The following RBFOX1 variants were observed in gnomAD, a reference collection of about 807,000 sequenced individuals.
RBFOX1 encodes RNA binding fox-1 homolog 1.
A neutral mutation model predicts 57.7 loss-of-function variants in RBFOX1; 8 were observed. The ratio of observed to expected loss-of-function variants is 0.14; its 90% CI spans 0.08 to 0.25. The LOEUF (loss-of-function observed/expected upper bound fraction) is 0.25. Ranked by LOEUF, RBFOX1 falls within the 10% of genes least tolerant of loss-of-function variation. The probability of loss-of-function intolerance (pLI) is 1.00; values close to 1 mark genes in which losing one functional copy is unlikely to be tolerated. For synonymous variants in RBFOX1, 326 were observed against 222.4 expected (o/e 1.47, Z -4.15); for missense variants, 611 against 548.5 (o/e 1.11, Z -1.14).
At chr16:6,138,778 A>C (rs929246254) in intron 1 of RBFOX1, among the ~76,000 whole-genome samples, 1 of 152,156 alleles carries the variant, frequency 6.6e-6, no homozygotes, top group Non-Finnish European at 1.5e-5. Context: ...GAGGCAGGAG[A>C]ATCGCTGGAA....
At chr16:6,500,611 C>G (rs1004407139) in intron 2 of RBFOX1, among the ~76,000 whole-genome samples, 8 of 152,018 alleles carry the variant, frequency 5.3e-5, no homozygotes, top group African/African-American at 1.7e-4. Context: ...GGAAAAGAGC[C>G]AAGGTGAAGA....
At chr16:6,021,491 G>T (rs902365747) in intron 1 of RBFOX1, among the ~76,000 whole-genome samples, 1 of 152,200 alleles carries the variant, frequency 6.6e-6, no homozygotes, top group Admixed American at 6.5e-5. Flanking sequence ...CCTGTGAAGG[G>T]TAAAGGTGGT....
chr16:5,486,333 C>G (rs899579784), intron 2 of RBFOX1, among the ~76,000 whole-genome samples: 6 of 152,198 alleles, frequency 3.9e-5, no homozygotes, highest in Admixed American at 3.3e-4. Flanking sequence ...GCTTCCTGTT[C>G]TCCATCTGAA....
chr16:7,488,183 C>A (rs1375899115), intron 4 of RBFOX1, among the ~76,000 whole-genome samples: 2 of 152,166 alleles, frequency 1.3e-5, no homozygotes, highest in African/African-American at 4.8e-5. Context: ...CTCACATCTT[C>A]ATCTGCAGCG....
intron 3 of RBFOX1, among the ~76,000 whole-genome samples, chr16:6,659,679 T>C (rs1242743291): frequency 6.6e-6 from 1 of 152,088 alleles, no homozygotes; most frequent in Non-Finnish European, 1.5e-5. Context: ...CGGTTTTCAA[T>C]ATGGGGCAGG....
intron 4 of RBFOX1, among the ~76,000 whole-genome samples, chr16:6,011,149 A>G (rs1181347562): frequency 6.6e-6 from 1 of 152,256 alleles, no homozygotes; most frequent in East Asian, 1.9e-4. Flanking sequence ...TGCTGCTAAT[A>G]GAGGGAACAT....
At chr16:6,831,404 A>G (rs912047193) in intron 3 of RBFOX1, among the ~76,000 whole-genome samples, 2 of 152,204 alleles carry the variant, frequency 1.3e-5, no homozygotes, top group Admixed American at 6.6e-5. Flanking sequence ...TACCTATGCA[A>G]AAAACAGGAA....
chr16:6,806,836 A>ATATATATATATATT (rs754342591), intron 3 of RBFOX1, among the ~76,000 whole-genome samples: 1,065 of 91,674 alleles, frequency 0.012, 14 homozygotes, highest in African/African-American at 0.02. Flanking sequence ...ATATATATAT[A>ATATATATATATATT]TTTTTTTTTT....
chr16:6,255,711 G>T (rs143359281), intron 1 of RBFOX1, among the ~76,000 whole-genome samples: 1 of 151,942 alleles, frequency 6.6e-6, no homozygotes, highest in Non-Finnish European at 1.5e-5. Flanking sequence ...CTATGCAGCC[G>T]TAAAAAAAGA....
At chr16:6,034,426 A>T (rs562636122) in intron 1 of RBFOX1, among the ~76,000 whole-genome samples, 1 of 151,490 alleles carries the variant, frequency 6.6e-6, no homozygotes, top group South Asian at 2.1e-4. Context: ...TGGGAAGTCC[A>T]TGATCAAGGT....
chr16:6,868,802 A>G (rs760369703), intron 3 of RBFOX1, among the ~76,000 whole-genome samples: 3 of 152,168 alleles, frequency 2.0e-5, no homozygotes, highest in South Asian at 2.1e-4. Flanking sequence ...ATAAGGTTGC[A>G]TCTTTTTGCT....
intron 2 of RBFOX1, among the ~76,000 whole-genome samples, chr16:6,558,123 T>A (rs1165157829): frequency 6.6e-6 from 1 of 152,184 alleles, no homozygotes; most frequent in Admixed American, 6.5e-5. Context: ...ATCAGTGCTT[T>A]ATAAGTCTTT....
At chr16:7,245,178 G>T (rs1430831373) in intron 4 of RBFOX1, among the ~76,000 whole-genome samples, 3 of 152,106 alleles carry the variant, frequency 2.0e-5, no homozygotes, top group African/African-American at 7.2e-5. Context: ...TGTCTCTCTA[G>T]ATCCTAACTA....
chr16:6,926,312 A>G (rs2075577488), intron 3 of RBFOX1, among the ~76,000 whole-genome samples: 1 of 152,050 alleles, frequency 6.6e-6, no homozygotes, highest in South Asian at 2.1e-4. Context: ...ATCTCAAAGA[A>G]AAAACAAAAA....
At chr16:6,085,850 A>G (rs982979783) in intron 1 of RBFOX1, among the ~76,000 whole-genome samples, 5 of 152,078 alleles carry the variant, frequency 3.3e-5, no homozygotes, top group Admixed American at 6.6e-5. Flanking sequence ...TCTGGGATAC[A>G]TGTGCCAAAC....
intron 3 of RBFOX1, among the ~76,000 whole-genome samples, chr16:6,874,781 G>T (rs1306889956): frequency 2.0e-5 from 3 of 152,062 alleles, no homozygotes; most frequent in Non-Finnish European, 4.4e-5. Context: ...TGAGGGGAAG[G>T]GTGGGAGGTG....
At chr16:6,563,846 ATGTG>A (rs774476004) in intron 2 of RBFOX1, among the ~76,000 whole-genome samples, 2 of 150,490 alleles carry the variant, frequency 1.3e-5, no homozygotes, top group African/African-American at 4.9e-5. Flanking sequence ...ATATATATAT[ATGTG>A]TGTGTGTGTG....
At chr16:7,109,561 C>T (rs143932723) in intron 4 of RBFOX1, among the ~76,000 whole-genome samples, 2 of 152,190 alleles carry the variant, frequency 1.3e-5, no homozygotes, top group Non-Finnish European at 2.9e-5. Flanking sequence ...CAGTTGGAAG[C>T]TGCAAATGAT....
At chr16:5,492,659 A>G (rs554714635) in intron 2 of RBFOX1, among the ~76,000 whole-genome samples, 32 of 152,204 alleles carry the variant, frequency 2.1e-4, no homozygotes, top group Non-Finnish European at 4.0e-4. Flanking sequence ...ATGAAATGAC[A>G]TCTACCACAG....
Sources: allele counts gnomAD v4.1 joint callset (sites outside exome capture counted in the v4.1 genomes callset), GRCh38; gene constraint gnomAD v4.1.1; transcripts MANE v1.5; gene names NCBI Gene and HGNC (gene_info 2026-07-23, HGNC 2026-07-21).